The following COL22A1 variants were observed in gnomAD, a reference collection of about 807,000 sequenced individuals.
COL22A1 encodes collagen type XXII alpha 1 chain.
A neutral mutation model predicts 248.9 loss-of-function variants in COL22A1; 221 were observed. The observed-to-expected ratio is 0.89, with a 90% CI of 0.80 to 0.99. The LOEUF (loss-of-function observed/expected upper bound fraction) is 0.99. COL22A1 is among the 50% of genes least tolerant of loss of function. The pLI is 0.00. For missense variants in COL22A1, 2,240 were observed against 2,179.0 expected (o/e 1.03, Z -0.56); for synonymous variants, 891 against 793.4 (o/e 1.12, Z -2.07).
rs1817585808 is a variant in COL22A1 at position 138,596,945 on chromosome 8, AG to A, written c.4390del (p.Leu1464CysfsTer29). The A allele has an allele frequency of 6.2e-7, 1 of 1,613,938 alleles. No homozygotes were observed. The highest frequency in any genetic ancestry group is 8.5e-7 in the Non-Finnish European group (1 of 1,179,964). On this transcript the variant is annotated frameshift_variant, in exon 62 of 65. Coordinates refer to ENST00000303045, the MANE Select transcript of COL22A1 (RefSeq NM_152888.3). LOFTEE classifies it high-confidence loss of function. The part of the protein sequence containing the change: ...LRGESPSMET[L>X]RRLIQEELGK... Reference sequence around the variant, plus strand: ...CAGCTCTTCTTGAATAAGCCGACGCAGGGTTTCCATGGATGGAGACTCCCCC... The same window carrying A: ...CAGCTCTTCTTGAATAAGCCGACGCAGGTTTCCATGGATGGAGACTCCCCC...
At chr8:138,628,206 C>T (rs1015219791) in intron 50 of COL22A1, among the ~76,000 whole-genome samples, 1 of 150,642 alleles carries the variant, frequency 6.6e-6, no homozygotes, top group Non-Finnish European at 1.5e-5. Context: ...GCCTGCCAAA[C>T]AGTTTGTCTT....
At chr8:138,830,296 G>A (rs1313143521) in intron 5 of COL22A1, among the ~76,000 whole-genome samples, 1 of 152,138 alleles carries the variant, frequency 6.6e-6, no homozygotes, top group Non-Finnish European at 1.5e-5. Context: ...TTCTGTTATT[G>A]TCATGAGAAA....
intron 23 of COL22A1, among the ~76,000 whole-genome samples, chr8:138,733,122 C>T (rs570414033): frequency 1.3e-5 from 2 of 152,284 alleles, no homozygotes; most frequent in South Asian, 2.1e-4. Context: ...AGCCTCTTCT[C>T]GGGCCAAGCC....
In COL22A1 at chr8:138,662,076, C is replaced by A. The variant is rs767847955; in HGVS notation, c.3194G>T (p.Arg1065Leu). 4.3e-6 allele frequency: 7 copies of A among 1,612,006 alleles called. No individual in the cohort carries two copies. In the East Asian group the frequency reaches 1.6e-4, roughly 36 times the overall value. ...PPGDKGSPGS[R>L]GLPGFPGPQG... ...GGGGCCAGGGAATCCAGGTAAGCCT[C>A]GTGATCCCTGAAGAAAAAGAAAAGA... The change falls in exon 43 of 65, where the codon CGA (arginine) becomes CTA (leucine). Residue 1065 changes from arginine to leucine, a missense_variant. Transcript: ENST00000303045.
chr8:138,871,057 C>A (rs1823300906), intron 3 of COL22A1, among the ~76,000 whole-genome samples: 1 of 151,940 alleles, frequency 6.6e-6, no homozygotes, highest in African/African-American at 2.4e-5. Flanking sequence ...GGGGTGATGC[C>A]ACCAGCAGGG....
chr8:138,765,020 G>T lies in COL22A1; in HGVS notation c.1804-2554C>A, dbSNP rs115013132. Among the ~76,000 whole-genome samples, 1,346 of 152,298 alleles carry T rather than the reference G, an allele frequency of 8.8e-3. 20 individuals are homozygous for T. The highest frequency in any genetic ancestry group is 0.031 in the African/African-American group (1,299 of 41,572). On this transcript the variant is annotated intron_variant, in intron 16 of 64. Coordinates refer to ENST00000303045, the MANE Select transcript of COL22A1 (RefSeq NM_152888.3). ...TCACGTGACACTTGGGGCGAATGGT[G>T]AGTGGAGCTGCCTGGGTTTCGTCTC...
At chr8:138,681,428 G>T (rs1009318003) in intron 39 of COL22A1, among the ~76,000 whole-genome samples, 1 of 152,064 alleles carries the variant, frequency 6.6e-6, no homozygotes, top group Non-Finnish European at 1.5e-5. Context: ...GGGAAAAAAG[G>T]TCTCCTACTG....
Position 138,888,322 on chromosome 8 carries a change from A to C in COL22A1, c.-72-5078T>G, listed in dbSNP as rs1285782758. ...AGGCACAGAGGTGGGGATGTCCATC[A>C]CCTGACTATTTCAGGGGAAGGTCAG... On this transcript the variant is annotated intron_variant, in intron 1 of 64. Transcript: ENST00000303045. Among the ~76,000 whole-genome samples, 3 of 152,154 alleles carry C rather than the reference A, an allele frequency of 2.0e-5. No homozygotes were observed. The East Asian group carries it at 5.8e-4, about 29-fold the overall frequency.
chr8:138,592,696 A>T (rs1318431163), intron 63 of COL22A1, among the ~76,000 whole-genome samples: 1 of 151,868 alleles, frequency 6.6e-6, no homozygotes, highest in African/African-American at 2.4e-5. Context: ...CTAAAATGAC[A>T]CCACATGCTC....
chr8:138,713,279 G>A (rs368282116), intron 30 of COL22A1, among the ~76,000 whole-genome samples: 1 of 152,104 alleles, frequency 6.6e-6, no homozygotes, highest in African/African-American at 2.4e-5. Context: ...GTCAGCATGT[G>A]GTCCCAGCCA....
At chr8:138,710,604 T>TATATATATAG (rs775486726) in intron 30 of COL22A1, among the ~76,000 whole-genome samples, 69 of 61,024 alleles carry the variant, frequency 1.1e-3, no homozygotes, top group Admixed American at 7.5e-3. Flanking sequence ...TCTATCTATC[T>TATATATATAG]ATCTATATAT....
chr8:138,612,901 A>T (rs1818985078), intron 56 of COL22A1, among the ~76,000 whole-genome samples: 1 of 126,892 alleles, frequency 7.9e-6, no homozygotes, highest in South Asian at 2.7e-4. Context: ...ACGCCACTGC[A>T]CTCCAGCCTG....
chr8:138,739,280 C>T (rs1473040352), intron 22 of COL22A1, among the ~76,000 whole-genome samples: 1 of 152,188 alleles, frequency 6.6e-6, no homozygotes, highest in Non-Finnish European at 1.5e-5. Context: ...CCTCCCACCT[C>T]CACCTTGAAT....
At chr8:138,850,317 T>A (rs1056636633) in intron 3 of COL22A1, among the ~76,000 whole-genome samples, 13 of 152,352 alleles carry the variant, frequency 8.5e-5, no homozygotes, top group Admixed American at 6.5e-5. Flanking sequence ...CCAGGTGTTT[T>A]GTGAAAATGT....
In COL22A1 at chr8:138,778,417, G is replaced by C. The variant is rs756566027; in HGVS notation, c.1705-11C>G. The C allele has an allele frequency of 4.4e-6, 7 of 1,581,826 alleles. No individual in the cohort carries two copies. The South Asian group carries it at 7.0e-5, about 16-fold the overall frequency. On this transcript the variant is annotated splice_polypyrimidine_tract_variant and intron_variant, in intron 14 of 64. Coordinates refer to ENST00000303045, the MANE Select transcript of COL22A1 (RefSeq NM_152888.3). ...TGGTCCTTGGGGCCCCTGCAGAAGA[G>C]CATTTACAGAGTAAAGTTTCAGGGA...
intron 3 of COL22A1, among the ~76,000 whole-genome samples, chr8:138,862,026 TAAA>T (rs386414193): frequency 2.1e-5 from 2 of 93,272 alleles, no homozygotes; most frequent in Non-Finnish European, 1.9e-5. Flanking sequence ...CTGTCTCTAC[TAAA>T]AAAAAAAAAA....
intron 16 of COL22A1, among the ~76,000 whole-genome samples, chr8:138,775,069 C>T (rs1429200173): frequency 6.6e-6 from 1 of 152,210 alleles, no homozygotes; most frequent in South Asian, 2.1e-4. Context: ...GGTTGAAGAA[C>T]AAGTTCCTAT....
chr8:138,803,665 A>G (rs1009233423), intron 10 of COL22A1, among the ~76,000 whole-genome samples: 1 of 152,134 alleles, frequency 6.6e-6, no homozygotes, highest in Admixed American at 6.5e-5. Flanking sequence ...CAGGTAGAGG[A>G]AAAAACTGTG....
chr8:138,661,033 TATAC>T (rs1177244091), intron 43 of COL22A1, among the ~76,000 whole-genome samples: 5 of 23,950 alleles, frequency 2.1e-4, no homozygotes, highest in African/African-American at 3.5e-4. Context: ...TACACACACA[TATAC>T]AGACACACAC....
Sources: gnomAD v4.1 joint callset for allele counts (sites outside exome capture counted in the v4.1 genomes callset) on GRCh38, gnomAD v4.1.1 for gene constraint, MANE v1.5 for transcripts, NCBI Gene and HGNC (gene_info 2026-07-23, HGNC 2026-07-21) for gene names.